Variants in MAMDC2 observed in about 807,000 individuals in gnomAD.
The protein encoded by MAMDC2 is MAM domain containing 2.
In MAMDC2, 57 loss-of-function variants were observed where a neutral mutation model predicts 89.8. The observed-to-expected ratio is 0.63, with a 90% CI of 0.51 to 0.79. The LOEUF is 0.79. MAMDC2 is among the 30% of genes least tolerant of loss of function. The pLI, the probability that MAMDC2 is intolerant of heterozygous loss-of-function variation, is 0.00. For missense variants in MAMDC2, 800 were observed against 820.6 expected, an observed-to-expected ratio of 0.97 and a Z score of 0.31; for synonymous variants, 313 against 293.4, an observed-to-expected ratio of 1.07 and a Z score of -0.68.
intron 9 of MAMDC2, among the ~76,000 whole-genome samples, chr9:70,166,252 AC>A (rs1263603090): frequency 3.4e-5 from 5 of 148,820 alleles, no homozygotes; most frequent in Non-Finnish European, 7.4e-5. Context: ...CAAAAAAAAA[AC>A]AAAACAGAAA....
At chr9:70,112,075 A>C (rs1828524442) in intron 4 of MAMDC2, among the ~76,000 whole-genome samples, 1 of 152,198 alleles carries the variant, frequency 6.6e-6, no homozygotes. Flanking sequence ...GATGGAAGGC[A>C]GGGTAGCCCA....
intron 2 of MAMDC2, among the ~76,000 whole-genome samples, chr9:70,059,634 A>G (rs1195289184): frequency 1.3e-5 from 2 of 152,186 alleles, no homozygotes; most frequent in Non-Finnish European, 2.9e-5. Context: ...AGACAGTTTC[A>G]ATAAAGTACA....
chr9:70,148,015 C>G (rs999958521), intron 9 of MAMDC2: 2 of 150,500 alleles, frequency 1.3e-5, no homozygotes, highest in Admixed American at 6.6e-5. Context: ...CAATCTGTCT[C>G]TGTCCAGCTG....
chr9:70,218,394 T>G lies in MAMDC2; in HGVS notation c.1709T>G (p.Leu570Trp). The change falls in exon 12 of 14, where the codon TTG (leucine) becomes TGG (tryptophan). Residue 570 changes from leucine to tryptophan, a missense_variant. Physicochemically the swap from Leu to Trp is moderately conservative, Grantham distance 61 (BLOSUM62 -2). Coordinates refer to ENST00000377182, the MANE Select transcript of MAMDC2 (RefSeq NM_153267.5). ...HMVYGQKARL[L>W]SRPLRGVSGK... ...GTGTATGGACAAAAAGCACGCCTCT[T>G]GTCCAGGCCTCTGCGAGGAGTCTCT... The G allele has an allele frequency of 6.2e-7, 1 of 1,614,216 alleles. No homozygotes were observed. The highest frequency in any genetic ancestry group is 1.6e-4 in the Middle Eastern group (1 of 6,062).
chr9:70,165,600 G>A (rs1298302686), intron 9 of MAMDC2, among the ~76,000 whole-genome samples: 2 of 152,182 alleles, frequency 1.3e-5, no homozygotes, highest in Non-Finnish European at 2.9e-5. Context: ...CTAGACGTCT[G>A]CTATTGTCCA....
chr9:70,219,276 C>T (rs562237396), intron 12 of MAMDC2, among the ~76,000 whole-genome samples: 4 of 152,230 alleles, frequency 2.6e-5, no homozygotes, highest in Non-Finnish European at 4.4e-5. Flanking sequence ...CTGATAGCCA[C>T]AGATTTTACC....
Position 70,203,266 on chromosome 9 carries a change from G to C in MAMDC2, c.1652-15071G>C, listed in dbSNP as rs1011213234. On this transcript the variant is annotated intron_variant, in intron 11 of 13. Coordinates refer to ENST00000377182, the MANE Select transcript of MAMDC2 (RefSeq NM_153267.5). ...GGCAGGCCTGATGGTGACAAAATCG[G>C]TCAGCATTTGCTTGTCTGTAAAGTA... 5.5e-4 allele frequency among the ~76,000 whole-genome samples: 83 copies of C among 152,052 alleles called. 2 individuals are homozygous for C. Among genetic ancestry groups the C allele is most frequent in the Admixed American group, 6.6e-4 (10 of 15,264 alleles).
chr9:70,055,089 A>G (rs1165985090), intron 2 of MAMDC2, among the ~76,000 whole-genome samples: 1 of 152,118 alleles, frequency 6.6e-6, no homozygotes, highest in Non-Finnish European at 1.5e-5. Flanking sequence ...GTCTTTTATA[A>G]GCTGCAGGAG....
intron 7 of MAMDC2, among the ~76,000 whole-genome samples, chr9:70,138,680 T>C (rs915887108): frequency 6.6e-6 from 1 of 152,226 alleles, no homozygotes; most frequent in African/African-American, 2.4e-5. Flanking sequence ...TATATACCTG[T>C]TGGCCATTTG....
chr9:70,206,800 C>T (rs1323751313), intron 11 of MAMDC2, among the ~76,000 whole-genome samples: 2 of 152,166 alleles, frequency 1.3e-5, no homozygotes, highest in African/African-American at 4.8e-5. Flanking sequence ...CCACCACAGG[C>T]CCCGGTGTGT....
intron 11 of MAMDC2, among the ~76,000 whole-genome samples, chr9:70,208,584 C>T (rs1363090142): frequency 6.6e-6 from 1 of 152,090 alleles, no homozygotes; most frequent in Non-Finnish European, 1.5e-5. Context: ...TGCAAACAGG[C>T]ACAATTTGAC....
chr9:70,068,013 TAA>T (rs1827308093), intron 2 of MAMDC2, among the ~76,000 whole-genome samples: 1 of 152,306 alleles, frequency 6.6e-6, no homozygotes, highest in East Asian at 1.9e-4. Context: ...GTGTATCCCA[TAA>T]AGAGTCCTGT....
chr9:70,131,964 A>G (rs2030824609), intron 7 of MAMDC2, among the ~76,000 whole-genome samples: 1 of 152,254 alleles, frequency 6.6e-6, no homozygotes, highest in South Asian at 2.1e-4. Context: ...GTAGATGGAC[A>G]AAGCTCTCAC....
chr9:70,157,495 A>G (rs2031804679), intron 9 of MAMDC2: 1 of 152,502 alleles, frequency 6.6e-6, no homozygotes, highest in African/African-American at 2.4e-5. Context: ...TTTCTGCACT[A>G]TCTGTTTAGT....
chr9:70,102,792 A>G (rs1215315214), intron 2 of MAMDC2, among the ~76,000 whole-genome samples: 1 of 152,206 alleles, frequency 6.6e-6, no homozygotes, highest in Non-Finnish European at 1.5e-5. Context: ...AATCAGTTCC[A>G]ATTGCCTAGG....
intron 9 of MAMDC2, among the ~76,000 whole-genome samples, chr9:70,161,703 T>C (rs927531522): frequency 6.6e-6 from 1 of 152,232 alleles, no homozygotes; most frequent in Non-Finnish European, 1.5e-5. Context: ...AAAAACTCTA[T>C]TACAACTTAT....
chr9:70,073,235 A>G (rs2975908), intron 2 of MAMDC2, among the ~76,000 whole-genome samples: 53,175 of 152,188 alleles, frequency 0.35, 10,528 homozygotes, highest in African/African-American at 0.54. Context: ...CCAAGCTTAA[A>G]TATCTGAAAA....
At chr9:70,180,868 T>C (rs189972069) in intron 11 of MAMDC2, among the ~76,000 whole-genome samples, 31 of 152,356 alleles carry the variant, frequency 2.0e-4, no homozygotes, top group Admixed American at 5.2e-4. Flanking sequence ...TCAGATCACA[T>C]TTGTCAATTT....
intron 2 of MAMDC2, among the ~76,000 whole-genome samples, chr9:70,097,217 C>T (rs1204069740): frequency 6.6e-6 from 1 of 152,240 alleles, no homozygotes; most frequent in Admixed American, 6.5e-5. Flanking sequence ...CATCCAGCTT[C>T]ACCCTATTAA....
Sources: allele counts gnomAD v4.1 joint callset (sites outside exome capture counted in the v4.1 genomes callset), GRCh38; gene constraint gnomAD v4.1.1; transcripts MANE v1.5; gene names NCBI Gene and HGNC (gene_info 2026-07-23, HGNC 2026-07-21).